The following MIB1 variants were observed in gnomAD, a reference collection of about 807,000 sequenced individuals.
The protein encoded by MIB1 is MIB E3 ubiquitin protein ligase 1, also known as E3 ubiquitin-protein ligase MIB1.
MIB1 carries 278 observed loss-of-function variants against 124.5 expected under a neutral mutation model. The observed-to-expected ratio is 2.23, with a 90% CI of 2.02 to 2.47. MIB1 has a LOEUF of 2.47. Ranked by LOEUF, MIB1 falls within the 30% of genes most tolerant of loss-of-function variation. MIB1 has a pLI of 0.00. For synonymous variants in MIB1, 446 were observed against 429.4 expected (o/e 1.04, Z -0.48); for missense variants, 957 against 1,254.4 (o/e 0.76, Z 3.58).
intron 12 of MIB1, among the ~76,000 whole-genome samples, chr18:21,835,840 A>ACACACAC (rs1555695330): frequency 2.2e-4 from 24 of 108,062 alleles, no homozygotes; most frequent in South Asian, 1.0e-3. Flanking sequence ...CACACACACA[A>ACACACAC]ACACACACGA....
At chr18:21,739,229 T>TA (rs2040814684), upstream of MIB1, among the ~76,000 whole-genome samples, 2 of 152,126 alleles carry the variant, frequency 1.3e-5, no homozygotes, top group Non-Finnish European at 2.9e-5. Context: ...CTCCCAAGAC[T>TA]AAACCAGGAA....
chr18:21,846,782 A>G (rs2042138088), intron 15 of MIB1, among the ~76,000 whole-genome samples, 162 bp from the exon 16 acceptor site: 1 of 152,202 alleles, frequency 6.6e-6, no homozygotes, highest in African/African-American at 2.4e-5. Flanking sequence ...TGGAGAAAGC[A>G]TACTTGTGTG....
intron 20 of MIB1, among the ~76,000 whole-genome samples, chr18:21,864,297 T>C (rs2042302736): frequency 6.6e-6 from 1 of 152,180 alleles, no homozygotes; most frequent in African/African-American, 2.4e-5. Flanking sequence ...ATTAATAGTT[T>C]TTAATCTTAT....
At position 21,768,080 on chromosome 18, in the gene MIB1, C is replaced by T. The variant is rs2041184014; in HGVS notation, c.402-543C>T. 3.9e-5 allele frequency among the ~76,000 whole-genome samples: 6 copies of T among 152,248 alleles called. 1 individual carries two copies. The South Asian group carries it at 1.2e-3, about 32-fold the overall frequency. On this transcript the variant is annotated intron_variant, in intron 2 of 20. Transcript: ENST00000261537. Reference sequence around the variant, plus strand: ...TCCCTGCCATTTCCTGTTATCTTCCCAAGTCTGAGGTCAAGTGCCATTTGC... The same window carrying T: ...TCCCTGCCATTTCCTGTTATCTTCCTAAGTCTGAGGTCAAGTGCCATTTGC...
chr18:21,775,019 C>T (rs1167233600), intron 4 of MIB1, among the ~76,000 whole-genome samples: 3 of 151,798 alleles, frequency 2.0e-5, no homozygotes, highest in African/African-American at 7.3e-5. Context: ...GATCTTGGCT[C>T]ACTGCTAGCT....
At chr18:21,742,788 A>G (rs2040869219) in intron 1 of MIB1, among the ~76,000 whole-genome samples, 1 of 152,240 alleles carries the variant, frequency 6.6e-6, no homozygotes, top group African/African-American at 2.4e-5. Flanking sequence ...TAAATGAGCT[A>G]CTTCTAAGAC....
In MIB1 at chr18:21,768,754, T is replaced by A; in HGVS notation, c.531+2T>A. 6.2e-7 allele frequency: 1 copy of A among 1,608,064 alleles called. No homozygotes were observed. Among genetic ancestry groups the A allele is most frequent in the Non-Finnish European group, 8.5e-7 (1 of 1,176,954 alleles). On this transcript the variant is annotated splice_donor_variant, in intron 3 of 20. Coordinates refer to ENST00000261537, the MANE Select transcript of MIB1 (RefSeq NM_020774.4). LOFTEE classifies it high-confidence loss of function. ...GGAGGAAATGGACGTAGGGGAAAGG[T>A]ACAGTGTTTCTCTGAATTCATTATG... is the stretch of plus-strand genomic sequence containing the variant.
chr18:21,794,250 A>T (rs1312445556), intron 7 of MIB1: 2 of 150,808 alleles, frequency 1.3e-5, no homozygotes, highest in African/African-American at 4.8e-5. Flanking sequence ...ATTAGGTGAT[A>T]TAACTTAGGA....
At chr18:21,758,891 T>C (rs1449659081) in intron 1 of MIB1, among the ~76,000 whole-genome samples, 21 of 152,194 alleles carry the variant, frequency 1.4e-4, no homozygotes, top group Admixed American at 1.4e-3. Context: ...AAGTTTAGGG[T>C]ATAGTTAGGC....
intron 20 of MIB1, among the ~76,000 whole-genome samples, chr18:21,862,166 G>C (rs556493811): frequency 6.6e-6 from 1 of 151,574 alleles, no homozygotes; most frequent in East Asian, 1.9e-4. Flanking sequence ...CAAAGTGTTG[G>C]GATTACAGGC....
At chr18:21,728,564 A>G (rs1298718005) in intron 1 of MIB1, among the ~76,000 whole-genome samples, 1 of 152,218 alleles carries the variant, frequency 6.6e-6, no homozygotes, top group Non-Finnish European at 1.5e-5. Context: ...TCTCCACATC[A>G]TCACCAATAT....
chr18:21,839,017 C>G (rs1386652437), intron 13 of MIB1, among the ~76,000 whole-genome samples: 2 of 152,188 alleles, frequency 1.3e-5, no homozygotes, highest in South Asian at 2.1e-4. Context: ...TTTTTATGAG[C>G]CTGGATTTTG....
chr18:21,722,078 G>A (rs1027708582), intron 1 of MIB1, among the ~76,000 whole-genome samples: 4 of 151,874 alleles, frequency 2.6e-5, no homozygotes, highest in Non-Finnish European at 2.9e-5. Context: ...TTTTTAAGAC[G>A]GGGTCTTGCT....
At chr18:21,719,908 C>G (rs2040707160) in intron 1 of MIB1, among the ~76,000 whole-genome samples, 1 of 152,022 alleles carries the variant, frequency 6.6e-6, no homozygotes, top group Admixed American at 6.6e-5. Context: ...TAAAATTTTC[C>G]TAACTAAACA....
intron 7 of MIB1, chr18:21,794,001 T>TATG (rs35682108): frequency 0.49 from 74,265 of 151,390 alleles, 22,057 homozygotes; most frequent in African/African-American, 0.85. Flanking sequence ...TCGGCAAGGA[T>TATG]GTGACCTCCT....
rs1568220581 is a variant in MIB1 at position 21,835,800 on chromosome 18, T to TA, written c.1830-2565_1830-2564insA. Among the ~76,000 whole-genome samples, 50 of 8,654 alleles carry TA rather than the reference T, an allele frequency of 5.8e-3. 1 individual carries two copies. Among genetic ancestry groups the TA allele is most frequent in the Admixed American group, 0.012 (6 of 498 alleles). 5.7% of individuals were successfully genotyped at this position (8,654 alleles called of 152,430 possible). A position where few individuals can be genotyped will look rare whatever the true frequency, so the allele number is the denominator to read the frequency against. ...AAAAAAAAAAATATATATATATATA[T>TA]CCACACACACACACACACACACACA... On this transcript the variant is annotated intron_variant, in intron 12 of 20. Transcript: ENST00000261537.
rs2146443109 is a variant in MIB1 at position 21,791,573 on chromosome 18, A to G, written c.1092+16A>G. The G allele has an allele frequency of 6.3e-7, 1 of 1,588,706 alleles. No individual in the cohort carries two copies. The highest frequency in any genetic ancestry group is 8.6e-7 in the Non-Finnish European group (1 of 1,161,140). On this transcript the variant is annotated intron_variant, in intron 7 of 20. Coordinates refer to ENST00000261537, the MANE Select transcript of MIB1 (RefSeq NM_020774.4). ...GATGCTTCCAGTAAGTATGTTTAGAATAATTCTGGGCTAGAAATTACAATA... is the reference window on the plus strand; with the variant it reads ...GATGCTTCCAGTAAGTATGTTTAGAGTAATTCTGGGCTAGAAATTACAATA...
At chr18:21,759,382 A>G (rs2041072079) in intron 1 of MIB1, among the ~76,000 whole-genome samples, 1 of 151,850 alleles carries the variant, frequency 6.6e-6, no homozygotes, top group Admixed American at 6.6e-5. Flanking sequence ...AGCTGGGACT[A>G]CAGGTGCGCA....
intron 1 of MIB1, among the ~76,000 whole-genome samples, chr18:21,710,649 C>A (rs1331748508): frequency 1.3e-5 from 2 of 151,762 alleles, no homozygotes; most frequent in Admixed American, 6.6e-5. Flanking sequence ...ACTTGGGAGG[C>A]TAAGGTGGGA....
Sources: gnomAD v4.1 joint callset for allele counts (sites outside exome capture counted in the v4.1 genomes callset) on GRCh38, gnomAD v4.1.1 for gene constraint, MANE v1.5 for transcripts, NCBI Gene and HGNC (gene_info 2026-07-23, HGNC 2026-07-21) for gene names.